Variants in FRMPD2 observed in about 807,000 individuals in gnomAD.
FRMPD2 encodes FERM and PDZ domain-containing protein 2.
In FRMPD2, 96 loss-of-function variants were observed where a neutral mutation model predicts 140.1. That is an observed-to-expected ratio of 0.69 (90% confidence interval 0.58 to 0.81). The LOEUF is 0.81. Among genes scored for constraint, FRMPD2 ranks in the 40% least tolerant of loss-of-function variants. The probability of loss-of-function intolerance (pLI) is 0.00; values close to 1 mark genes in which losing one functional copy is unlikely to be tolerated. For missense variants in FRMPD2, 1,240 were observed against 1,447.4 expected (o/e 0.86, Z 2.32); for synonymous variants, 449 against 547.6 (o/e 0.82, Z 2.52).
Position 48,242,216 on chromosome 10 carries a change from G to A in FRMPD2, c.512C>T (p.Pro171Leu). Residue 171 changes from proline (P) to leucine (L), a missense_variant, in exon 5 of 29, where the codon CCT becomes CTT. Physicochemically the swap from Pro to Leu is moderately conservative, Grantham distance 98. Coordinates refer to ENST00000374201, the MANE Select transcript of FRMPD2 (RefSeq NM_001018071.4). ...HEKEVSVYPA[P>L]AGLHIRRLVG... Reference sequence around the variant, plus strand: ...CAGCCTTCTGATGTGGAGACCAGCAGGGGCTGGGTAGACAGACACTTCTTT... The same window carrying A: ...CAGCCTTCTGATGTGGAGACCAGCAAGGGCTGGGTAGACAGACACTTCTTT... 1 of 1,614,208 alleles carries A rather than the reference G, an allele frequency of 6.2e-7. No individual in the cohort carries two copies. Among genetic ancestry groups the A allele is most frequent in the African/African-American group, 1.3e-5 (1 of 75,064 alleles).
intron 10 of FRMPD2, among the ~76,000 whole-genome samples, chr10:48,230,914 A>G (rs998853516): frequency 3.3e-5 from 5 of 152,232 alleles, no homozygotes; most frequent in Non-Finnish European, 7.3e-5. Context: ...AAAATGCCCA[A>G]CGCTGGTCTA....
intron 24 of FRMPD2, among the ~76,000 whole-genome samples, chr10:48,173,622 A>T (rs1838325101): frequency 6.6e-6 from 1 of 152,140 alleles, no homozygotes. Context: ...CATGGCTGCC[A>T]GTGAATTGGT....
intron 10 of FRMPD2, among the ~76,000 whole-genome samples, chr10:48,230,628 A>G (rs1484965899): frequency 1.3e-5 from 2 of 152,234 alleles, no homozygotes; most frequent in African/African-American, 4.8e-5. Context: ...AAATGGGGGT[A>G]ACTGTAGAAA....
At chr10:48,248,759 A>G (rs192760785) in intron 3 of FRMPD2, 16 of 284,986 alleles carry the variant, frequency 5.6e-5, no homozygotes, top group Admixed American at 2.0e-4. Context: ...TTGAATATTG[A>G]TAATAACCTG....
chr10:48,218,220 A>C (rs964483819), intron 12 of FRMPD2, among the ~76,000 whole-genome samples: 1 of 152,128 alleles, frequency 6.6e-6, no homozygotes, highest in African/African-American at 2.4e-5. Context: ...TCTCAAATTA[A>C]TCACCTTTTT....
chr10:48,187,757 C>T (rs995411817), intron 16 of FRMPD2, among the ~76,000 whole-genome samples: 2 of 152,202 alleles, frequency 1.3e-5, no homozygotes, highest in Admixed American at 6.5e-5. Context: ...GCAGGCCAGG[C>T]ACCCTCCACA....
chr10:48,168,980 C>T lies in FRMPD2; in HGVS notation c.3439-287G>A, dbSNP rs2132400252. 2.7e-5 allele frequency among the ~76,000 whole-genome samples: 3 copies of T among 110,352 alleles called. No individual in the cohort carries two copies. The Middle Eastern group carries it at 0.016, about 575-fold the overall frequency. 72.4% of individuals were successfully genotyped at this position (110,352 alleles called of 152,430 possible). A position where few individuals can be genotyped will look rare whatever the true frequency, so the allele number is the denominator to read the frequency against. ...CTCTCATCTGTAATATTGCAGTAAC[C>T]TCCTCTCCGCTCCCTGCCTTCACCA... On this transcript the variant is annotated intron_variant, in intron 26 of 28. Coordinates refer to ENST00000374201, the MANE Select transcript of FRMPD2 (RefSeq NM_001018071.4).
chr10:48,252,517 G>A (rs542042981), intron 1 of FRMPD2, among the ~76,000 whole-genome samples: 3 of 151,894 alleles, frequency 2.0e-5, no homozygotes, highest in East Asian at 3.9e-4. Context: ...GCTAGATGGG[G>A]AGCACATAGA....
At chr10:48,235,760 G>A (rs951562596) in intron 9 of FRMPD2, among the ~76,000 whole-genome samples, 2 of 152,202 alleles carry the variant, frequency 1.3e-5, no homozygotes, top group Non-Finnish European at 2.9e-5. Context: ...GCCCCAACTG[G>A]GCCCTGGACA....
At chr10:48,194,752 A>C (rs1185240509) in intron 15 of FRMPD2, among the ~76,000 whole-genome samples, 14 of 152,170 alleles carry the variant, frequency 9.2e-5, no homozygotes, top group Admixed American at 9.2e-4. Flanking sequence ...AGCACTCAGC[A>C]TCAGGGACTC....
intron 28 of FRMPD2, chr10:48,159,034 GAA>G: frequency 2.8e-6 from 1 of 358,516 alleles, no homozygotes; most frequent in Non-Finnish European, 5.5e-6. Context: ...TTTCAGGCTT[GAA>G]ATATGAAGGT....
chr10:48,174,194 T>C (rs1838344175), intron 24 of FRMPD2, among the ~76,000 whole-genome samples: 1 of 152,040 alleles, frequency 6.6e-6, no homozygotes, highest in Non-Finnish European at 1.5e-5. Context: ...CTGTCTCTGT[T>C]GACTTTTTAG....
At chr10:48,192,590 C>A (rs75079659) in intron 16 of FRMPD2, 94 bp downstream of exon 16, 39 of 1,062,236 alleles carry the variant, frequency 3.7e-5, no homozygotes, top group Non-Finnish European at 4.8e-5. Flanking sequence ...AACTCAGTCT[C>A]AAAAAAAAAA....
intron 1 of FRMPD2, among the ~76,000 whole-genome samples, chr10:48,266,341 C>A (rs968123979): frequency 6.6e-6 from 1 of 152,028 alleles, no homozygotes; most frequent in Non-Finnish European, 1.5e-5. Flanking sequence ...ATATAACAAG[C>A]CTGCACATGT....
rs773996367 is a variant in FRMPD2 at position 48,185,616 on chromosome 10, T to C, written c.2296A>G (p.Ile766Val). Residue 766 changes from isoleucine to valine, a missense_variant, in exon 18 of 29, where the codon ATA (isoleucine) becomes GTA (valine). Physicochemically the swap from Ile to Val is conservative, Grantham distance 29 (BLOSUM62 3). Around this residue, in one of 6 missense-constraint regions of FRMPD2, gnomAD observed 1,161 missense variants for 1,055.9 expected, o/e 1.10. Coordinates refer to ENST00000374201, the MANE Select transcript of FRMPD2 (RefSeq NM_001018071.4). Reference sequence around the variant, plus strand: ...ACAATTTCTCGGCCCGGTTCAGCTATAAAGCTCTTCCTCCTATTATTCTTT... The same window carrying C: ...ACAATTTCTCGGCCCGGTTCAGCTACAAAGCTCTTCCTCCTATTATTCTTT... ...GSKNNRRKSF[I>V]AEPGREIVRV... 6 of 1,614,096 alleles carry C rather than the reference T, an allele frequency of 3.7e-6. No homozygotes were observed. The highest frequency in any genetic ancestry group is 1.7e-5 in the Admixed American group (1 of 60,022).
At position 48,206,753 on chromosome 10, in the gene FRMPD2, T is replaced by C. The variant is rs776556279; in HGVS notation, c.1792A>G (p.Thr598Ala). The stretch of plus-strand genomic sequence containing the variant: ...ATCAACTGAGCTACACTCACATAAG[T>C]AGAAATCTTCCCGGTTTCTCTCCAC... ...FQWRETGKIS[T>A]YQKKFTITSS... Residue 598 changes from threonine (T) to alanine (A), a missense_variant, in exon 14 of 29, where the codon ACT becomes GCT. Thr to Ala is a moderately conservative substitution (Grantham distance 58, BLOSUM62 0). Transcript: ENST00000374201. The C allele has an allele frequency of 5.6e-6, 9 of 1,613,346 alleles. No homozygotes were observed. Among genetic ancestry groups the C allele is most frequent in the Non-Finnish European group, 5.9e-6 (7 of 1,179,300 alleles).
chr10:48,255,183 T>C (rs893426256), intron 1 of FRMPD2, among the ~76,000 whole-genome samples: 2 of 152,114 alleles, frequency 1.3e-5, no homozygotes, highest in Admixed American at 6.6e-5. Context: ...ATCTGAAGGC[T>C]TCGGGGCTCA....
chr10:48,254,341 C>T (rs1840448573), intron 1 of FRMPD2, among the ~76,000 whole-genome samples: 1 of 152,202 alleles, frequency 6.6e-6, no homozygotes, highest in South Asian at 2.1e-4. Context: ...ATTTGTATCG[C>T]TGCTAGGCAA....
Position 48,201,376 on chromosome 10 carries a change from CT to C in FRMPD2, c.1805del (p.Lys602SerfsTer61). 2 of 1,613,264 alleles carry C rather than the reference CT, an allele frequency of 1.2e-6. No homozygotes were observed. The highest frequency in any genetic ancestry group is 1.7e-6 in the Non-Finnish European group (2 of 1,179,548). ...ETGKISTYQK[K>X]FTITSSVTGK... ...CAGTGACACTGCTTGTGATGGTGAA[CT>C]TTTTTTGCTGAAGGAAGCAAACACA... is the stretch of plus-strand genomic sequence containing the variant. On this transcript the variant is annotated frameshift_variant, in exon 15 of 29. Transcript: ENST00000374201. LOFTEE classifies it high-confidence loss of function.
Sources: gnomAD v4.1 joint callset for allele counts (sites outside exome capture counted in the v4.1 genomes callset) on GRCh38, gnomAD v4.1.1 for gene constraint, gnomAD v4.1.1 regional missense constraint, MANE v1.5 for transcripts, NCBI Gene and HGNC (gene_info 2026-07-23, HGNC 2026-07-21) for gene names.